The following DAB1 variants were observed in gnomAD, a reference collection of about 807,000 sequenced individuals.
The protein encoded by DAB1 is DAB adaptor protein 1.
A neutral mutation model predicts 64.6 loss-of-function variants in DAB1; 15 were observed. The observed-to-expected ratio is 0.23, with a 90% CI of 0.16 to 0.36. The LOEUF (loss-of-function observed/expected upper bound fraction) is 0.36, where lower values mean the gene tolerates loss of function less well. Among genes scored for constraint, DAB1 ranks in the 10% least tolerant of loss-of-function variants. The probability of loss-of-function intolerance (pLI) is 1.00; values close to 1 mark genes in which losing one functional copy is unlikely to be tolerated. For synonymous variants in DAB1, 235 were observed against 251.9 expected, an observed-to-expected ratio of 0.93 and a Z score of 0.64; for missense variants, 596 against 706.7, an observed-to-expected ratio of 0.84 and a Z score of 1.78.
intron 3 of DAB1, among the ~76,000 whole-genome samples, chr1:58,470,380 C>T (rs1645344422): frequency 6.6e-6 from 1 of 151,970 alleles, no homozygotes; most frequent in African/African-American, 2.4e-5. Context: ...TGCCATGTTT[C>T]CCAGGCTGGT....
intron 3 of DAB1, among the ~76,000 whole-genome samples, chr1:58,381,619 T>C (rs1387468525): frequency 6.6e-6 from 1 of 152,186 alleles, no homozygotes; most frequent in African/African-American, 2.4e-5. Context: ...AGGATACAGT[T>C]TGAAGACCAA....
At chr1:58,208,889 T>C (rs994110923) in intron 4 of DAB1, among the ~76,000 whole-genome samples, 4 of 152,142 alleles carry the variant, frequency 2.6e-5, no homozygotes, top group Non-Finnish European at 5.9e-5. Flanking sequence ...TTCTTAAACA[T>C]TAAGCTGAAC....
chr1:57,605,921 CAGA>C (rs1196437497), intron 7 of DAB1: 3 of 687,456 alleles, frequency 4.4e-6, no homozygotes, highest in Non-Finnish European at 8.1e-6. Context: ...TTAACAATCT[CAGA>C]AGGACTGTGC....
chr1:57,906,728 C>A (rs114616167), intron 5 of DAB1, among the ~76,000 whole-genome samples: 1 of 152,050 alleles, frequency 6.6e-6, no homozygotes, highest in Non-Finnish European at 1.5e-5. Context: ...GGAGAGAGAA[C>A]CTTGTTATGT....
chr1:58,027,799 CATA>C (rs1301902414), intron 5 of DAB1, among the ~76,000 whole-genome samples: 5 of 152,008 alleles, frequency 3.3e-5, no homozygotes, highest in Admixed American at 2.6e-4. Context: ...ACAAAAAAAT[CATA>C]ATAATGGGTG....
chr1:57,290,853 T>C, intron 2 of DAB1, 111 bp downstream of exon 2: 1 of 607,260 alleles, frequency 1.6e-6, no homozygotes. Flanking sequence ...AAAATAACTA[T>C]TTAAAAATAT....
At chr1:58,416,891 A>T (rs1056343666) in intron 3 of DAB1, among the ~76,000 whole-genome samples, 1 of 152,186 alleles carries the variant, frequency 6.6e-6, no homozygotes, top group African/African-American at 2.4e-5. Context: ...AAAATACAGG[A>T]TCTCAAAGAC....
At chr1:57,820,751 A>C (rs7516197) in intron 6 of DAB1, among the ~76,000 whole-genome samples, 1 of 152,196 alleles carries the variant, frequency 6.6e-6, no homozygotes, top group Non-Finnish European at 1.5e-5. Flanking sequence ...TTTGTTTCAC[A>C]AGGAATTACA....
chr1:56,997,803 AC>A lies in DAB1; in HGVS notation c.*340del, dbSNP rs2101601951. 1 of 152,330 alleles carries A rather than the reference AC, an allele frequency of 6.6e-6. No homozygotes were observed. Among genetic ancestry groups the A allele is most frequent in the African/African-American group, 2.4e-5 (1 of 41,582 alleles). 9.4% of individuals were successfully genotyped at this position (152,330 alleles called of 1,614,324 possible). ...AAAAAGGGAATTAATAATTTTGCACACTGAGTCATCTTAAACCCAGCTATGA... is the reference window on the plus strand; with the variant it reads ...AAAAAGGGAATTAATAATTTTGCACATGAGTCATCTTAAACCCAGCTATGA... On this transcript the variant is annotated 3_prime_UTR_variant, in exon 15 of 15. Coordinates refer to ENST00000371236, the MANE Select transcript of DAB1 (RefSeq NM_001365792.1).
chr1:57,554,111 A>C (rs770223094), intron 7 of DAB1, among the ~76,000 whole-genome samples: 12 of 152,194 alleles, frequency 7.9e-5, no homozygotes, highest in Non-Finnish European at 1.8e-4. Context: ...GATATTTGAT[A>C]AGGTAATCTC....
intron 6 of DAB1, among the ~76,000 whole-genome samples, chr1:57,803,357 G>A (rs532888290): frequency 6.6e-4 from 100 of 152,286 alleles, no homozygotes; most frequent in Admixed American, 1.6e-3. Context: ...CCCATAACCT[G>A]TTAAAGGGGG....
At chr1:57,179,405 A>G (rs1399184674) in intron 2 of DAB1, among the ~76,000 whole-genome samples, 1 of 152,230 alleles carries the variant, frequency 6.6e-6, no homozygotes, top group African/African-American at 2.4e-5. Context: ...CTTCTAGAGG[A>G]GCAGAGCTCA....
intron 6 of DAB1, among the ~76,000 whole-genome samples, chr1:57,815,277 C>T (rs1651803361): frequency 6.6e-6 from 1 of 152,134 alleles, no homozygotes; most frequent in South Asian, 2.1e-4. Flanking sequence ...ACTGTGTTAG[C>T]CAGGATGTTC....
At chr1:58,536,045 C>G (rs1167132031) in intron 1 of DAB1, among the ~76,000 whole-genome samples, 1 of 151,784 alleles carries the variant, frequency 6.6e-6, no homozygotes, top group Non-Finnish European at 1.5e-5. Flanking sequence ...GAAAGACAAT[C>G]AAAAAAATAA....
chr1:57,099,927 A>G (rs1326160162), intron 4 of DAB1, among the ~76,000 whole-genome samples: 3 of 152,220 alleles, frequency 2.0e-5, no homozygotes, highest in Non-Finnish European at 4.4e-5. Flanking sequence ...GGGTCTAAGA[A>G]CTGAGAGCGT....
intron 5 of DAB1, among the ~76,000 whole-genome samples, chr1:58,056,720 T>C (rs547634141): frequency 9.2e-5 from 14 of 152,298 alleles, no homozygotes; most frequent in African/African-American, 3.4e-4. Context: ...TGTTCTCTTT[T>C]GTCCTCCGGT....
intron 5 of DAB1, among the ~76,000 whole-genome samples, chr1:57,957,818 C>T (rs1441406176): frequency 3.3e-5 from 5 of 152,044 alleles, no homozygotes; most frequent in Non-Finnish European, 5.9e-5. Context: ...AGAATTAGCA[C>T]CTTGGAGTTT....
intron 1 of DAB1, among the ~76,000 whole-genome samples, chr1:57,331,413 C>G (rs1319067465): frequency 4.5e-4 from 68 of 152,110 alleles, no homozygotes; most frequent in Admixed American, 4.5e-3. Flanking sequence ...TAGCCTCTGC[C>G]CAATAAGGAG....
intron 7 of DAB1, among the ~76,000 whole-genome samples, chr1:57,636,293 A>T (rs534183612): frequency 1.3e-5 from 2 of 151,622 alleles, no homozygotes; most frequent in South Asian, 4.2e-4. Flanking sequence ...TTGATCTTGA[A>T]CCTCTTGCTT....
Sources: gnomAD v4.1 joint callset for allele counts (sites outside exome capture counted in the v4.1 genomes callset) on GRCh38, gnomAD v4.1.1 for gene constraint, MANE v1.5 for transcripts, NCBI Gene and HGNC (gene_info 2026-07-23, HGNC 2026-07-21) for gene names.